The following GNAI2 variants were observed in gnomAD, a reference collection of about 807,000 sequenced individuals.
The protein encoded by GNAI2 is guanine nucleotide-binding protein G(i) subunit alpha-2.
GNAI2 carries 4 observed loss-of-function variants against 36.8 expected under a neutral mutation model. That is an observed-to-expected ratio of 0.11 (90% CI 0.05 to 0.25). GNAI2 has a LOEUF of 0.25. Ranked by LOEUF, GNAI2 falls within the 10% of genes least tolerant of loss-of-function variation. GNAI2 has a pLI of 1.00. For missense variants in GNAI2, 230 were observed against 481.3 expected (o/e 0.48, Z 4.89); for synonymous variants, 194 against 194.1 (o/e 1.00, Z 0.01).
At chr3:50,245,367 C>T (rs1348407262) in intron 1 of GNAI2, among the ~76,000 whole-genome samples, 2 of 152,178 alleles carry the variant, frequency 1.3e-5, no homozygotes, top group Admixed American at 6.6e-5. Context: ...GGGTTGGGCC[C>T]TGAGGCAGTT....
intron 1 of GNAI2, among the ~76,000 whole-genome samples, chr3:50,237,910 G>A (rs1298582712): frequency 6.6e-6 from 1 of 152,232 alleles, no homozygotes; most frequent in African/African-American, 2.4e-5. Flanking sequence ...CTGGACCTGT[G>A]GCCGAGGAAC....
At chr3:50,243,858 G>A (rs1218174969) in intron 1 of GNAI2, among the ~76,000 whole-genome samples, 3 of 152,138 alleles carry the variant, frequency 2.0e-5, no homozygotes, top group Admixed American at 6.6e-5. Flanking sequence ...GCAGGCAGAC[G>A]GTGTGGGTGC....
chr3:50,246,825 C>T lies in GNAI2; in HGVS notation c.119-5275C>T, dbSNP rs191803258. ...AGGCTCCTGGGCAGGAAGGAGGCCC[C>T]AGCTGTGTAGGAGTGCCGGGTTATA... On this transcript the variant is annotated intron_variant, in intron 1 of 8. Transcript: ENST00000313601. 1,686 of 1,132,994 alleles carry T rather than the reference C, an allele frequency of 1.5e-3. 19 individuals are homozygous for T. The African/African-American group carries it at 0.022, about 15-fold the overall frequency. The allele number at this position is 1,132,994 out of a possible 1,614,324, so 70.2% of individuals were successfully genotyped here.
rs1271797648 is a variant in GNAI2, at chr3:50,255,452, C to T, written c.465-740C>T. 6.6e-6 allele frequency among the ~76,000 whole-genome samples: 1 copy of T among 152,254 alleles called. No individual in the cohort carries two copies. The highest frequency in any genetic ancestry group is 1.5e-5 in the Non-Finnish European group (1 of 68,042). On this transcript the variant is annotated intron_variant, in intron 4 of 8. Transcript: ENST00000313601. The surrounding 1 kb of genome is among the most constrained non-coding windows in gnomAD (Gnocchi z 4.0). ...CTGGCAGGCCCCAACCTGTCCAGCA[C>T]CACATCGAGGGACCGCACCCGGCTG...
chr3:50,228,550 CAAAA>C (rs587623155), upstream of GNAI2, among the ~76,000 whole-genome samples: 6 of 94,824 alleles, frequency 6.3e-5, no homozygotes, highest in African/African-American at 1.0e-4. Context: ...ACTCCGTCTC[CAAAA>C]AAAAAAAAAA....
At position 50,259,138 on chromosome 3, in the gene GNAI2, C is replaced by T. The variant is rs2109225333; in HGVS notation, c.*795C>T. The T allele has an allele frequency of 5.8e-6, 2 of 344,038 alleles. No homozygotes were observed. The highest frequency in any genetic ancestry group is 7.9e-5 in the East Asian group (1 of 12,628). The allele number at this position is 344,038 out of a possible 1,614,324, so 21.3% of individuals were successfully genotyped here. On this transcript the variant is annotated 3_prime_UTR_variant, in exon 9 of 9. Transcript: ENST00000313601. The stretch of plus-strand genomic sequence containing the variant: ...AGACAACTGCCAACGTCACTGAGGG[C>T]CCTGCCCCAGCGGCCCTGGCCCCAG...
chr3:50,228,789 C>T (rs1700020377), upstream of GNAI2, among the ~76,000 whole-genome samples: 1 of 152,194 alleles, frequency 6.6e-6, no homozygotes, highest in African/African-American at 2.4e-5. Context: ...AGCTTTTTCT[C>T]CAACAGCCTG....
rs1553703231 is a variant in GNAI2 at position 50,256,719 on chromosome 3, G to A, written c.594-4G>A. The A allele has an allele frequency of 3.1e-6, 5 of 1,614,040 alleles. No individual in the cohort carries two copies. The South Asian group carries it at 4.4e-5, about 14-fold the overall frequency. On this transcript the variant is annotated splice_region_variant and splice_polypyrimidine_tract_variant and intron_variant, in intron 5 of 8. Transcript: ENST00000313601. ...CCTGGAACTAAGGTGATCTATATCT[G>A]CAGGATGTTTGATGTGGGTGGTCAG...
At chr3:50,256,138 A>T in intron 4 of GNAI2, 54 bp from the exon 5 acceptor site, 1 of 1,034,158 alleles carries the variant, frequency 9.7e-7, no homozygotes, top group Non-Finnish European at 1.4e-6. Context: ...CCCAGGGTCC[A>T]GCTAAGGAAG....
In GNAI2 at chr3:50,256,177, A is replaced by G; in HGVS notation, c.465-15A>G. The G allele has an allele frequency of 5.6e-6, 2 of 359,058 alleles. No homozygotes were observed. The highest frequency in any genetic ancestry group is 9.9e-6 in the Non-Finnish European group (2 of 201,804). 22.2% of individuals were successfully genotyped at this position (359,058 alleles called of 1,614,324 possible). On this transcript the variant is annotated splice_polypyrimidine_tract_variant and intron_variant, in intron 4 of 8. Transcript: ENST00000313601. ...CATGCTGGCCCCCACTGACCCTCCC[A>G]CCCCCCATCCCCAGCTACCTGAACG...
At chr3:50,249,973 C>A (rs1420337332) in intron 1 of GNAI2, among the ~76,000 whole-genome samples, 1 of 152,174 alleles carries the variant, frequency 6.6e-6, no homozygotes. Flanking sequence ...AGGGAGTGAA[C>A]CCAGTGCCAG....
rs1192066918 is a variant in GNAI2, at chr3:50,236,272, C to A, written c.-64C>A. On this transcript the variant is annotated 5_prime_UTR_variant, in exon 1 of 9. Transcript: ENST00000313601. The surrounding 1 kb of genome is among the most constrained non-coding windows in gnomAD (Gnocchi z 4.0). Reference sequence around the variant, plus strand: ...GGTGGTGGGAGCGGAGTGGGTCGGGCGGGGCCGAGCCGGGCCGTGGGCCGT... The same window carrying A: ...GGTGGTGGGAGCGGAGTGGGTCGGGAGGGGCCGAGCCGGGCCGTGGGCCGT... The A allele has an allele frequency of 8.1e-7, 1 of 1,229,468 alleles. No individual in the cohort carries two copies. The highest frequency in any genetic ancestry group is 1.0e-6 in the Non-Finnish European group (1 of 985,298). The allele number at this position is 1,229,468 out of a possible 1,614,324, so 76.2% of individuals were successfully genotyped here.
chr3:50,238,755 CT>C lies in GNAI2; in HGVS notation c.118+2305del, dbSNP rs1700240006. ...GGAGGGATCCTGGCTTGAGCCATGC[CT>C]TTCCCATCCAGGTGCAAGGTGGTGA... On this transcript the variant is annotated intron_variant, in intron 1 of 8. Transcript: ENST00000313601. The surrounding 1 kb of genome is among the most constrained non-coding windows in gnomAD (Gnocchi z 5.0). Among the ~76,000 whole-genome samples the C allele has an allele frequency of 6.6e-6, 1 of 152,228 alleles. No individual in the cohort carries two copies. Among genetic ancestry groups the C allele is most frequent in the African/African-American group, 2.4e-5 (1 of 41,464 alleles).
In GNAI2 at chr3:50,242,429, G is replaced by T. The variant is rs587756030; in HGVS notation, c.118+5976G>T. 1.3e-5 allele frequency among the ~76,000 whole-genome samples: 2 copies of T among 152,204 alleles called. No homozygotes were observed. The highest frequency in any genetic ancestry group is 1.3e-4 in the Admixed American group (2 of 15,288). Reference sequence around the variant, plus strand: ...GGCCAGGCCACTGCTGATACACCCTGCCTAAGAGTGCTCTGCAAGGTGCTT... The same window carrying T: ...GGCCAGGCCACTGCTGATACACCCTTCCTAAGAGTGCTCTGCAAGGTGCTT... On this transcript the variant is annotated intron_variant, in intron 1 of 8. Coordinates refer to ENST00000313601, the MANE Select transcript of GNAI2 (RefSeq NM_002070.4). The surrounding 1 kb of genome is among the most constrained non-coding windows in gnomAD (Gnocchi z 4.8).
intron 4 of GNAI2, among the ~76,000 whole-genome samples, chr3:50,254,084 G>T (rs72932921): frequency 6.6e-6 from 1 of 152,054 alleles, no homozygotes; most frequent in Non-Finnish European, 1.5e-5. Context: ...TGTGACCCTC[G>T]CTGGCCCTAG....
At chr3:50,251,672 G>A (rs1553702479) in intron 1 of GNAI2, 2 of 1,343,806 alleles carry the variant, frequency 1.5e-6, no homozygotes, top group Non-Finnish European at 2.0e-6. Flanking sequence ...CTACCCTGTT[G>A]GATGGAGTAT....
chr3:50,250,867 T>C (rs1286648036), intron 1 of GNAI2, among the ~76,000 whole-genome samples: 2 of 151,202 alleles, frequency 1.3e-5, no homozygotes, highest in African/African-American at 2.4e-5. Context: ...TGGAGCGCAA[T>C]GGCACAATCT....
intron 1 of GNAI2, among the ~76,000 whole-genome samples, chr3:50,240,918 CAAAAAAAA>C (rs11302773): frequency 1.2e-5 from 1 of 86,744 alleles, no homozygotes; most frequent in Non-Finnish European, 2.4e-5. Context: ...GACTCTGTCT[CAAAAAAAA>C]AAAAAAAAAA....
At chr3:50,227,423 G>A, upstream of GNAI2, 3 of 361,286 alleles carry the variant, frequency 8.3e-6, no homozygotes, top group Non-Finnish European at 1.5e-5. This position sits in a 1 kb window ranked among gnomAD's most constrained non-coding sequence, Gnocchi z 5.9. Flanking sequence ...ACCGTGAGTG[G>A]GGGCCGCGAG....
Sources: allele counts gnomAD v4.1 joint callset (sites outside exome capture counted in the v4.1 genomes callset), GRCh38; gene constraint gnomAD v4.1.1; non-coding constraint Gnocchi (gnomAD v3.1); transcripts MANE v1.5; gene names NCBI Gene and HGNC (gene_info 2026-07-23, HGNC 2026-07-21).